The following SNAP91 variants were observed in gnomAD, a reference collection of about 807,000 sequenced individuals.
The protein encoded by SNAP91 is synaptosome associated protein 91.
In SNAP91, 27 loss-of-function variants were observed where a neutral mutation model predicts 100.3. The ratio of observed to expected loss-of-function variants is 0.27; its 90% CI spans 0.20 to 0.37. The LOEUF (loss-of-function observed/expected upper bound fraction) is 0.37, where lower values mean the gene tolerates loss of function less well. Ranked by LOEUF, SNAP91 falls within the 10% of genes least tolerant of loss-of-function variation. SNAP91 has a pLI of 1.00. For synonymous variants in SNAP91, 404 were observed against 398.6 expected, an observed-to-expected ratio of 1.01 and a Z score of -0.16; for missense variants, 986 against 1,123.7, an observed-to-expected ratio of 0.88 and a Z score of 1.75.
At chr6:83,605,882 AATC>A in intron 13 of SNAP91, 79 bp from the exon 14 acceptor site, 1 of 1,131,636 alleles carries the variant, frequency 8.8e-7, no homozygotes, top group Non-Finnish European at 1.2e-6. Flanking sequence ...GACATGCAGA[AATC>A]ATCAAAGATT....
intron 8 of SNAP91, among the ~76,000 whole-genome samples, chr6:83,635,981 A>T (rs187204699): frequency 6.6e-6 from 1 of 152,316 alleles, no homozygotes; most frequent in Admixed American, 6.5e-5. Flanking sequence ...TCTCTTTAAG[A>T]ATACTAAAAA....
At chr6:83,640,455 T>G (rs1004046089) in intron 8 of SNAP91, among the ~76,000 whole-genome samples, 3 of 152,148 alleles carry the variant, frequency 2.0e-5, no homozygotes, top group African/African-American at 7.2e-5. Flanking sequence ...CAAAGGACTA[T>G]AATAACAATG....
chr6:83,556,149 T>C lies in SNAP91; in HGVS notation c.*4A>G. On this transcript the variant is annotated 3_prime_UTR_variant, in exon 29 of 30. Coordinates refer to ENST00000369694, the MANE Select transcript of SNAP91 (RefSeq NM_001242792.2). Reference sequence around the variant, plus strand: ...AAAGCTCAATATTAGATACCTTAAATTGTTTACAAGAAATCCTTGATGTTA... The same window carrying C: ...AAAGCTCAATATTAGATACCTTAAACTGTTTACAAGAAATCCTTGATGTTA... 4.6e-6 allele frequency: 7 copies of C among 1,534,166 alleles called. No homozygotes were observed. Among genetic ancestry groups the C allele is most frequent in the Non-Finnish European group, 6.2e-6 (7 of 1,130,260 alleles).
chr6:83,570,615 G>A (rs1805534121), intron 26 of SNAP91, among the ~76,000 whole-genome samples: 2 of 152,090 alleles, frequency 1.3e-5, no homozygotes, highest in African/African-American at 4.8e-5. Context: ...TGCAGTCTAG[G>A]GACCTGGTGC....
chr6:83,636,510 T>C (rs1339143309), intron 8 of SNAP91, among the ~76,000 whole-genome samples: 1 of 152,248 alleles, frequency 6.6e-6, no homozygotes, highest in African/African-American at 2.4e-5. Context: ...TTTTCAATTG[T>C]AGAAGTTCAG....
chr6:83,681,358 T>G (rs969472031), intron 2 of SNAP91, among the ~76,000 whole-genome samples: 5 of 152,142 alleles, frequency 3.3e-5, no homozygotes, highest in Admixed American at 6.6e-5. Flanking sequence ...AGGTTTTCTA[T>G]CTCTCTAGGC....
intron 2 of SNAP91, among the ~76,000 whole-genome samples, chr6:83,668,507 A>G (rs1282184652): frequency 6.6e-6 from 1 of 152,200 alleles, no homozygotes; most frequent in Non-Finnish European, 1.5e-5. Flanking sequence ...GCCATAAAAA[A>G]TGATGAGTTC....
chr6:83,621,115 C>A (rs2096709604), intron 9 of SNAP91, among the ~76,000 whole-genome samples: 1 of 152,128 alleles, frequency 6.6e-6, no homozygotes, highest in Non-Finnish European at 1.5e-5. Context: ...AGGGGTACCA[C>A]CTTCTACCCT....
intron 8 of SNAP91, among the ~76,000 whole-genome samples, chr6:83,629,406 G>C (rs897585503): frequency 2.6e-5 from 4 of 151,880 alleles, no homozygotes; most frequent in African/African-American, 9.7e-5. Flanking sequence ...GAAGAATAGT[G>C]AATTTTGATG....
intron 2 of SNAP91, among the ~76,000 whole-genome samples, chr6:83,707,200 G>T (rs2099392371): frequency 6.6e-6 from 1 of 152,062 alleles, no homozygotes; most frequent in Admixed American, 6.6e-5. Flanking sequence ...CCATAGCTAT[G>T]AAGTCCAATT....
At chr6:83,586,127 G>A (rs1438970700) in intron 22 of SNAP91, among the ~76,000 whole-genome samples, 1 of 152,110 alleles carries the variant, frequency 6.6e-6, no homozygotes, top group Non-Finnish European at 1.5e-5. Flanking sequence ...GGATTATATA[G>A]GCATGAGCCA....
Position 83,658,620 on chromosome 6 carries a change from A to G in SNAP91, c.546+379T>C, listed in dbSNP as rs181815074. ...GACTCCGTCTCAAAAAAATAAATAA[A>G]TAAAACAAAATAAAATAAAATAAAA... On this transcript the variant is annotated intron_variant, in intron 6 of 29. Transcript: ENST00000369694. Among the ~76,000 whole-genome samples, 10 of 152,278 alleles carry G rather than the reference A, an allele frequency of 6.6e-5. No homozygotes were observed. In the East Asian group the frequency reaches 1.7e-3, roughly 26 times the overall value.
intron 14 of SNAP91, among the ~76,000 whole-genome samples, chr6:83,604,022 C>T (rs187810616): frequency 1.1e-3 from 175 of 152,200 alleles, no homozygotes; most frequent in African/African-American, 4.0e-3. Context: ...TGCAATTCAA[C>T]AAAATTTCAC....
At chr6:83,639,729 G>C (rs1464130056) in intron 8 of SNAP91, among the ~76,000 whole-genome samples, 1 of 152,028 alleles carries the variant, frequency 6.6e-6, no homozygotes, top group Non-Finnish European at 1.5e-5. Flanking sequence ...GTATACCCCA[G>C]ACTGCCACAT....
At chr6:83,610,529 G>T in intron 12 of SNAP91, 121 bp downstream of exon 12, 1 of 313,162 alleles carries the variant, frequency 3.2e-6, no homozygotes, top group East Asian at 5.6e-5. Context: ...TCCGGAAATG[G>T]ATAGAGAGGA....
chr6:83,571,580 G>A (rs1372240947), intron 26 of SNAP91, among the ~76,000 whole-genome samples: 2 of 152,180 alleles, frequency 1.3e-5, no homozygotes, highest in Non-Finnish European at 1.5e-5. Context: ...CCCAAAGCCT[G>A]TACCCCCATT....
intron 8 of SNAP91, among the ~76,000 whole-genome samples, chr6:83,639,218 T>C (rs1440622973): frequency 3.3e-5 from 5 of 152,182 alleles, no homozygotes; most frequent in Non-Finnish European, 7.4e-5. Context: ...AGCTATTGAG[T>C]ATGAATCCAT....
At chr6:83,662,828 G>A (rs1470535660) in intron 3 of SNAP91, among the ~76,000 whole-genome samples, 3 of 151,904 alleles carry the variant, frequency 2.0e-5, no homozygotes, top group South Asian at 2.1e-4. Flanking sequence ...GGTTTACATG[G>A]TATATCCATT....
chr6:83,628,598 G>C (rs898967473), intron 8 of SNAP91, among the ~76,000 whole-genome samples: 1 of 151,432 alleles, frequency 6.6e-6, no homozygotes, highest in East Asian at 1.9e-4. Context: ...TTGCAGTTTT[G>C]ATTTGCATTT....
Sources: allele counts gnomAD v4.1 joint callset (sites outside exome capture counted in the v4.1 genomes callset), GRCh38; gene constraint gnomAD v4.1.1; transcripts MANE v1.5; gene names NCBI Gene and HGNC (gene_info 2026-07-23, HGNC 2026-07-21).